Variants in CILP2 observed in about 807,000 individuals in gnomAD.
CILP2 encodes the protein cartilage intermediate layer protein 2, also known as CILP-2.
Under a neutral mutation model 45.6 loss-of-function variants are expected in CILP2, and 38 were observed. The observed-to-expected ratio is 0.83, with a 90% CI of 0.64 to 1.09. CILP2 has a LOEUF of 1.09. CILP2 is among the 50% of genes least tolerant of loss of function. The probability of loss-of-function intolerance (pLI) is 0.00; values close to 1 mark genes in which losing one functional copy is unlikely to be tolerated. For synonymous variants in CILP2, 780 were observed against 723.5 expected, an observed-to-expected ratio of 1.08 and a Z score of -1.25; for missense variants, 1,735 against 1,662.2, an observed-to-expected ratio of 1.04 and a Z score of -0.76.
In CILP2 at chr19:19,542,641, G is replaced by A. The variant is rs2061248777; in HGVS notation, c.859G>A (p.Asp287Asn). The A allele has an allele frequency of 6.2e-7, 1 of 1,613,326 alleles. No homozygotes were observed. Among genetic ancestry groups the A allele is most frequent in the African/African-American group, 1.3e-5 (1 of 75,036 alleles). Residue 287 changes from aspartate (D) to asparagine (N), a missense_variant, in exon 5 of 8, where the codon GAT becomes AAT. Coordinates refer to ENST00000291495, the MANE Select transcript of CILP2 (RefSeq NM_153221.2). Reference sequence around the variant, plus strand: ...CATCTCTGTGGTCACCATCATCCTTGATAAGTTGGGTAAGCACCCTTGCAA... The same window carrying A: ...CATCTCTGTGGTCACCATCATCCTTAATAAGTTGGGTAAGCACCCTTGCAA... ...GSISVVTIIL[D>N]KLEKPYLVKH... is the part of the protein sequence containing the mutation.
chr19:19,540,433 C>G lies in CILP2; in HGVS notation c.393C>G (p.Gly131=). Residue 131 remains glycine, a synonymous_variant, in exon 3 of 8, where the codon GGC becomes GGG. Transcript: ENST00000291495. ...FWCLNREQPR[G]RRCSNYHVRF... ...GCCTCAACCGCGAGCAACCGCGTGG[C>G]CGCCGCTGCTCCAACTACCACGTGC... 6.8e-7 allele frequency: 1 copy of G among 1,480,302 alleles called. No homozygotes were observed. The highest frequency in any genetic ancestry group is 8.9e-7 in the Non-Finnish European group (1 of 1,121,030). The allele number at this position is 1,480,302 out of a possible 1,614,324, so 91.7% of individuals were successfully genotyped here.
chr19:19,539,393 G>C (rs575253096), intron 1 of CILP2, among the ~76,000 whole-genome samples: 2 of 152,030 alleles, frequency 1.3e-5, no homozygotes, highest in African/African-American at 4.8e-5. Context: ...GTGAAACCCC[G>C]TCTCTACTAA....
chr19:19,542,752 T>C (rs1440054884), intron 5 of CILP2, 102 bp downstream of exon 5: 88 of 1,584,954 alleles, frequency 5.6e-5, no homozygotes, highest in Non-Finnish European at 1.6e-5. Flanking sequence ...ACACAGTCAT[T>C]GGCGAAGGCA....
rs1340310865 is a variant in CILP2 at position 19,543,726 on chromosome 19, T to C, written c.1181T>C (p.Ile394Thr). The part of the protein sequence containing the change: ...ACDPRPREYL[I>T]KLPEDCGQPG... Reference sequence around the variant, plus strand: ...GACCCCCGGCCCCGAGAGTACCTGATCAAGCTCCCTGAGGACTGTGGTCAG... The same window carrying C: ...GACCCCCGGCCCCGAGAGTACCTGACCAAGCTCCCTGAGGACTGTGGTCAG... The change falls in exon 8 of 8, where the codon ATC (isoleucine) becomes ACC (threonine). Residue 394 changes from isoleucine to threonine, a missense_variant. Transcript: ENST00000291495. The C allele has an allele frequency of 2.2e-5, 36 of 1,609,378 alleles. No homozygotes were observed. Among genetic ancestry groups the C allele is most frequent in the Non-Finnish European group, 2.9e-5 (34 of 1,176,932 alleles).
rs1246598335 is a variant in CILP2, at chr19:19,543,234, C to T, written c.978-14C>T. On this transcript the variant is annotated splice_polypyrimidine_tract_variant and intron_variant, in intron 6 of 7. Transcript: ENST00000291495. The stretch of plus-strand genomic sequence containing the variant: ...TCCCACTGAGTCCTATGGTGTCGCT[C>T]ACCTGCCATCCAGGTTCCACAATGG... 1.2e-6 allele frequency: 2 copies of T among 1,611,078 alleles called. No homozygotes were observed. Among genetic ancestry groups the T allele is most frequent in the East Asian group, 4.5e-5 (2 of 44,842 alleles).
intron 3 of CILP2, 69 bp from the exon 4 acceptor site, chr19:19,541,022 T>C: frequency 8.2e-7 from 1 of 1,216,562 alleles, no homozygotes; most frequent in Non-Finnish European, 1.0e-6. Context: ...GGTCCTTTAG[T>C]CCCAGGTTAC....
Position 19,544,690 on chromosome 19 carries a change from G to A in CILP2, c.2145G>A (p.Leu715=), listed in dbSNP as rs2061256964. Reference sequence around the variant, plus strand: ...TGCGCCGGGAGGAGCGCGTCTTCCTGGTGGGCAACGTGGAGATCCGGGAGC... The same window carrying A: ...TGCGCCGGGAGGAGCGCGTCTTCCTAGTGGGCAACGTGGAGATCCGGGAGC... ...PRVRREERVF[L]VGNVEIRERR... is the part of the protein sequence containing the mutation. The change falls in exon 8 of 8, where the codon CTG becomes CTA. Residue 715 remains leucine, a synonymous_variant. Transcript: ENST00000291495. 7 of 1,581,198 alleles carry A rather than the reference G, an allele frequency of 4.4e-6. No individual in the cohort carries two copies. The highest frequency in any genetic ancestry group is 5.1e-6 in the Non-Finnish European group (6 of 1,169,210).
At position 19,542,975 on chromosome 19, in the gene CILP2, G is replaced by A. The variant is rs1402969088; in HGVS notation, c.977+3G>A. 3.1e-6 allele frequency: 5 copies of A among 1,589,586 alleles called. No individual in the cohort carries two copies. Among genetic ancestry groups the A allele is most frequent in the Non-Finnish European group, 4.3e-6 (5 of 1,158,674 alleles). On this transcript the variant is annotated splice_donor_region_variant and intron_variant, in intron 6 of 7. Transcript: ENST00000291495. ...CCCATGCCCAAGAAATACTCCTGGT[G>A]AGCGCCCGCCCCGGGCTCAGGGGCA...
chr19:19,543,714 G>A lies in CILP2; in HGVS notation c.1169G>A (p.Arg390Gln), dbSNP rs566423223. The A allele has an allele frequency of 3.1e-5, 50 of 1,604,180 alleles. No homozygotes were observed. In the South Asian group the frequency reaches 4.2e-4, roughly 13 times the overall value. Residue 390 changes from arginine (R) to glutamine (Q), a missense_variant, in exon 8 of 8, where the codon CGA (arginine) becomes CAA (glutamine). Transcript: ENST00000291495. ...CAGCCAGCCTGCGACCCCCGGCCCC[G>A]AGAGTACCTGATCAAGCTCCCTGAG... Reference protein sequence around the residue: ...PGQPACDPRPREYLIKLPEDC... With the variant: ...PGQPACDPRPQEYLIKLPEDC...
At position 19,546,189 on chromosome 19, in the gene CILP2, C is replaced by T; in HGVS notation, c.*173C>T. ...CCCAGAGCATCCGATGGTAGAAACA[C>T]CAGGAAGACAATTGTTGCTGTGTGG... On this transcript the variant is annotated 3_prime_UTR_variant, in exon 8 of 8. Coordinates refer to ENST00000291495, the MANE Select transcript of CILP2 (RefSeq NM_153221.2). 1 of 500,022 alleles carries T rather than the reference C, an allele frequency of 2.0e-6. No homozygotes were observed. The highest frequency in any genetic ancestry group is 3.2e-5 in the East Asian group (1 of 31,600). 31.0% of individuals were successfully genotyped at this position (500,022 alleles called of 1,614,324 possible).
chr19:19,542,790 AG>A lies in CILP2; in HGVS notation c.869-72del. The A allele has an allele frequency of 1.9e-6, 3 of 1,554,858 alleles. No homozygotes were observed. The South Asian group carries it at 3.3e-5, about 17-fold the overall frequency. On this transcript the variant is annotated intron_variant, in intron 5 of 7. Transcript: ENST00000291495. ...GAGTGAGTCGGCATTTCTGGGAGAA[AG>A]GAGAGGATGGGGACGTTGCTCCTAG...
In CILP2 at chr19:19,542,948, C is replaced by G; in HGVS notation, c.953C>G (p.Thr318Ser). The G allele has an allele frequency of 6.2e-7, 1 of 1,612,868 alleles. No individual in the cohort carries two copies. Among genetic ancestry groups the G allele is most frequent in the Non-Finnish European group, 8.5e-7 (1 of 1,178,914 alleles). Residue 318 changes from threonine (T) to serine (S), a missense_variant, in exon 6 of 8, where the codon ACC (threonine) becomes AGC (serine). Thr to Ser is a moderately conservative substitution (Grantham distance 58, BLOSUM62 1). Coordinates refer to ENST00000291495, the MANE Select transcript of CILP2 (RefSeq NM_153221.2). ...NVTFCCKASG[T>S]PMPKKYSWFH... Reference sequence around the variant, plus strand: ...ACTTTCTGCTGCAAAGCCTCCGGGACCCCCATGCCCAAGAAATACTCCTGG... The same window carrying G: ...ACTTTCTGCTGCAAAGCCTCCGGGAGCCCCATGCCCAAGAAATACTCCTGG...
intron 5 of CILP2, 80 bp from the exon 6 acceptor site, chr19:19,542,784 G>A: frequency 6.4e-7 from 1 of 1,560,738 alleles, no homozygotes; most frequent in Non-Finnish European, 8.8e-7. Context: ...GGCATTTCTG[G>A]GAGAAAGGAG....
Position 19,544,906 on chromosome 19 carries a change from C to A in CILP2, c.2361C>A (p.Gly787=). The change falls in exon 8 of 8, where the codon GGC becomes GGA. Residue 787 remains glycine (G), a synonymous_variant. Coordinates refer to ENST00000291495, the MANE Select transcript of CILP2 (RefSeq NM_153221.2). ...AWGRFDSAVT[G]PNGACLPAFC... is the part of the protein sequence containing the mutation. ...GCCGCTTTGACAGCGCGGTCACCGG[C>A]CCCAATGGCGCCTGCCTCCCCGCCT... 6.3e-7 allele frequency: 1 copy of A among 1,588,624 alleles called. No individual in the cohort carries two copies. Among genetic ancestry groups the A allele is most frequent in the South Asian group, 1.1e-5 (1 of 89,808 alleles).
Position 19,545,776 on chromosome 19 carries a change from T to A in CILP2, c.3231T>A (p.Ile1077=). Residue 1077 remains isoleucine (I), a synonymous_variant, in exon 8 of 8, where the codon ATT becomes ATA. Coordinates refer to ENST00000291495, the MANE Select transcript of CILP2 (RefSeq NM_153221.2). ...QSPRLAKEIA[I]GRCFDGSSDG... is the part of the protein sequence containing the mutation. ...CACGCTTGGCCAAGGAGATCGCCATTGGCCGCTGCTTTGATGGTTCCTCTG... is the reference window on the plus strand; with the variant it reads ...CACGCTTGGCCAAGGAGATCGCCATAGGCCGCTGCTTTGATGGTTCCTCTG... 6.2e-7 allele frequency: 1 copy of A among 1,606,326 alleles called. No individual in the cohort carries two copies. Among genetic ancestry groups the A allele is most frequent in the Non-Finnish European group, 8.5e-7 (1 of 1,175,656 alleles).
intron 1 of CILP2, 75 bp from the exon 2 acceptor site, chr19:19,539,604 C>A: frequency 9.7e-7 from 1 of 1,033,340 alleles, no homozygotes; most frequent in Non-Finnish European, 1.4e-6. Context: ...CGTGGCTGCA[C>A]CTTGCCTAAA....
rs376232127 is a variant in CILP2, at chr19:19,545,000, G to C, written c.2455G>C (p.Glu819Gln). ...VTATLGGEEL[E>Q]PAPSLPRPLP... ...CGCCACCCTGGGCGGCGAGGAGCTG[G>C]AGCCGGCCCCTTCCTTGCCCCGCCC... Residue 819 changes from glutamate (E) to glutamine (Q), a missense_variant, in exon 8 of 8, where the codon GAG (glutamate) becomes CAG (glutamine). Glu to Gln is a conservative substitution (Grantham distance 29, BLOSUM62 2). Coordinates refer to ENST00000291495, the MANE Select transcript of CILP2 (RefSeq NM_153221.2). The C allele has an allele frequency of 1.7e-5, 27 of 1,601,416 alleles. No individual in the cohort carries two copies. The highest frequency in any genetic ancestry group is 2.3e-5 in the Non-Finnish European group (27 of 1,178,440).
Position 19,545,534 on chromosome 19 carries a change from G to A in CILP2, c.2989G>A (p.Gly997Arg), listed in dbSNP as rs759384337. 3.1e-6 allele frequency: 5 copies of A among 1,612,406 alleles called. No homozygotes were observed. The highest frequency in any genetic ancestry group is 1.1e-5 in the South Asian group (1 of 91,046). Reference protein sequence around the residue: ...SAACVEFKCSGMLFDQRQVDR... With the variant: ...SAACVEFKCSRMLFDQRQVDR... ...AGCCTGCGTGGAGTTCAAGTGCAGC[G>A]GGATGCTGTTCGACCAGCGGCAGGT... The change falls in exon 8 of 8, where the codon GGG becomes AGG. Residue 997 changes from glycine to arginine, a missense_variant. By Grantham distance (125) the Gly-to-Arg change is moderately radical. Coordinates refer to ENST00000291495, the MANE Select transcript of CILP2 (RefSeq NM_153221.2).
Position 19,545,889 on chromosome 19 carries a change from T to C in CILP2, c.3344T>C (p.Phe1115Ser). Residue 1115 changes from phenylalanine to serine, a missense_variant, in exon 8 of 8, where the codon TTC (phenylalanine) becomes TCC (serine). Phe to Ser is a radical substitution (Grantham distance 155, BLOSUM62 -2). Coordinates refer to ENST00000291495, the MANE Select transcript of CILP2 (RefSeq NM_153221.2). ...REPPAGRPSLFQRLLESPATA... is the reference protein window; with the variant it reads ...REPPAGRPSLSQRLLESPATA... ...CCACCGGCCGGACGACCCAGCCTCTTCCAGAGGCTGCTGGAGTCCCCGGCG... is the reference window on the plus strand; with the variant it reads ...CCACCGGCCGGACGACCCAGCCTCTCCCAGAGGCTGCTGGAGTCCCCGGCG... 1.3e-6 allele frequency: 2 copies of C among 1,586,114 alleles called. No individual in the cohort carries two copies. The highest frequency in any genetic ancestry group is 1.1e-5 in the South Asian group (1 of 89,822).
Sources: allele counts gnomAD v4.1 joint callset (sites outside exome capture counted in the v4.1 genomes callset), GRCh38; gene constraint gnomAD v4.1.1; transcripts MANE v1.5; gene names NCBI Gene and HGNC (gene_info 2026-07-23, HGNC 2026-07-21).